The following DAB2 variants were observed in gnomAD, a reference collection of about 807,000 sequenced individuals.
DAB2 encodes DAB adaptor protein 2.
A neutral mutation model predicts 71.6 loss-of-function variants in DAB2; 28 were observed. The observed-to-expected ratio is 0.39, with a 90% CI of 0.29 to 0.54. The LOEUF (loss-of-function observed/expected upper bound fraction) is 0.54, where lower values mean the gene tolerates loss of function less well. Among genes scored for constraint, DAB2 ranks in the 20% least tolerant of loss-of-function variants. DAB2 has a pLI of 0.68. For synonymous variants in DAB2, 345 were observed against 339.7 expected (o/e 1.02, Z -0.17); for missense variants, 867 against 928.8 (o/e 0.93, Z 0.86).
rs1554054271 is a variant in DAB2 at position 39,391,975 on chromosome 5, A to AT, written c.330+389_330+390insA. Among the ~76,000 whole-genome samples, 179 of 145,680 alleles carry AT rather than the reference A, an allele frequency of 1.2e-3. 2 individuals are homozygous for AT. The highest frequency in any genetic ancestry group is 4.2e-3 in the African/African-American group (165 of 39,536). On this transcript the variant is annotated intron_variant, in intron 4 of 14. Coordinates refer to ENST00000320816, the MANE Select transcript of DAB2 (RefSeq NM_001343.4). ...CTGTATACCCGAGGTCAAAAAAAAA[A>AT]AAAAAAATATATATATATAGAAGTT...
intron 12 of DAB2, 112 bp from the exon 13 acceptor site, chr5:39,376,218 A>AAAAG (rs1579897351): frequency 2.6e-6 from 2 of 768,258 alleles, no homozygotes; most frequent in East Asian, 5.3e-5. Context: ...AATTTACATC[A>AAAAG]GTGGAACAAA....
chr5:39,391,026 A>G (rs1460467994), intron 4 of DAB2, among the ~76,000 whole-genome samples: 1 of 152,170 alleles, frequency 6.6e-6, no homozygotes, highest in Admixed American at 6.5e-5. Context: ...GAACCATCCT[A>G]TGTGTTATTG....
intron 1 of DAB2, among the ~76,000 whole-genome samples, chr5:39,421,286 G>C (rs982280208): frequency 4.6e-5 from 7 of 152,146 alleles, no homozygotes; most frequent in Non-Finnish European, 8.8e-5. Context: ...TTTTCACAAA[G>C]ACACTTAATT....
chr5:39,398,926 C>T (rs543480441), intron 1 of DAB2, among the ~76,000 whole-genome samples: 1 of 152,232 alleles, frequency 6.6e-6, no homozygotes, highest in African/African-American at 2.4e-5. Context: ...AAATGTAATG[C>T]ATTTGAATAT....
intron 8 of DAB2, 134 bp downstream of exon 8, chr5:39,388,665 T>C: frequency 1.4e-6 from 1 of 734,620 alleles, no homozygotes; most frequent in Admixed American, 2.8e-5. Flanking sequence ...GTTACACTAA[T>C]ATTTTGAAAA....
intron 6 of DAB2, among the ~76,000 whole-genome samples, chr5:39,389,523 T>C (rs1282001617): frequency 6.6e-6 from 1 of 152,174 alleles, no homozygotes; most frequent in Non-Finnish European, 1.5e-5. Flanking sequence ...TTAAGTTTGT[T>C]TGTTTGAGAC....
chr5:39,371,849 C>T lies in DAB2; in HGVS notation c.*1582G>A, dbSNP rs529260595. On this transcript the variant is annotated 3_prime_UTR_variant, in exon 15 of 15. Transcript: ENST00000320816. ...AGTTTAGCACATTTAGGTATTTGGACATTTAAAGTACTATTTCAAGTCTGT... is the reference window on the plus strand; with the variant it reads ...AGTTTAGCACATTTAGGTATTTGGATATTTAAAGTACTATTTCAAGTCTGT... The T allele has an allele frequency of 2.0e-5, 3 of 152,288 alleles. No homozygotes were observed. In the South Asian group the frequency reaches 6.2e-4, roughly 32 times the overall value. 9.4% of individuals were successfully genotyped at this position (152,288 alleles called of 1,614,324 possible). A position where few individuals can be genotyped will look rare whatever the true frequency, so the allele number is the denominator to read the frequency against.
intron 14 of DAB2, among the ~76,000 whole-genome samples, chr5:39,373,740 T>C (rs1168142728): frequency 6.6e-6 from 1 of 152,166 alleles, no homozygotes; most frequent in Admixed American, 6.6e-5. Flanking sequence ...TTCAATTTAG[T>C]CCATACAATC....
chr5:39,388,421 C>A (rs62358399), intron 8 of DAB2, 54 bp from the exon 9 acceptor site: 1 of 1,197,734 alleles, frequency 8.3e-7, no homozygotes, highest in South Asian at 1.3e-5. Context: ...AAGATTACTT[C>A]GTATATTGTA....
At chr5:39,391,973 A>ATATAT (rs1561371460) in intron 4 of DAB2, among the ~76,000 whole-genome samples, 1 of 145,358 alleles carries the variant, frequency 6.9e-6, no homozygotes, top group African/African-American at 2.5e-5. Flanking sequence ...GTCAAAAAAA[A>ATATAT]AAAAAAAAAT....
Position 39,376,737 on chromosome 5 carries a change from T to C in DAB2, c.2050A>G (p.Ser684Gly). 1.2e-6 allele frequency: 2 copies of C among 1,614,152 alleles called. No individual in the cohort carries two copies. The highest frequency in any genetic ancestry group is 1.7e-6 in the Non-Finnish European group (2 of 1,180,022). ...TSSGTLSAFA[S>G]YFNSKVGIPQ... ...ATGCCAACCTTGCTGTTGAAATAAC[T>C]GGCAAAGGCACTCAAAGTCCCAGAA... Residue 684 changes from serine (S) to glycine (G), a missense_variant, in exon 12 of 15, where the codon AGT becomes GGT. Physicochemically the swap from Ser to Gly is moderately conservative, Grantham distance 56. Transcript: ENST00000320816.
chr5:39,388,919 A>G (rs1286322110), intron 7 of DAB2, 67 bp from the exon 8 acceptor site: 2 of 1,409,246 alleles, frequency 1.4e-6, no homozygotes, highest in South Asian at 1.2e-5. Flanking sequence ...TGTCCACTCT[A>G]TTAGTCTGCT....
chr5:39,376,176 CT>C, intron 12 of DAB2, 70 bp from the exon 13 acceptor site: 3 of 1,241,502 alleles, frequency 2.4e-6, no homozygotes, highest in Non-Finnish European at 3.5e-6. Flanking sequence ...CCCGAGTCAG[CT>C]TATTTTTGAA....
At chr5:39,379,515 A>G (rs1419670018) in intron 11 of DAB2, among the ~76,000 whole-genome samples, 1 of 151,948 alleles carries the variant, frequency 6.6e-6, no homozygotes, top group Non-Finnish European at 1.5e-5. Context: ...CCCAGTATAT[A>G]CTTATACCAG....
chr5:39,373,645 A>T (rs1754752454), intron 14 of DAB2, among the ~76,000 whole-genome samples: 1 of 152,182 alleles, frequency 6.6e-6, no homozygotes, highest in Non-Finnish European at 1.5e-5. Context: ...CCCCTTACCC[A>T]ATCTATTGAT....
chr5:39,424,274 T>C (rs919886785), intron 1 of DAB2, among the ~76,000 whole-genome samples: 1 of 152,144 alleles, frequency 6.6e-6, no homozygotes, highest in Admixed American at 6.5e-5. Flanking sequence ...GGGTAGATAC[T>C]TCCTTAGGAA....
chr5:39,420,971 C>G (rs958806871), intron 1 of DAB2, among the ~76,000 whole-genome samples: 1 of 152,138 alleles, frequency 6.6e-6, no homozygotes, highest in Admixed American at 6.5e-5. Flanking sequence ...TCAGTTTAAT[C>G]CGGGTGGTCC....
Position 39,375,094 on chromosome 5 carries a change from T to C in DAB2, c.2248-10A>G. 6.3e-7 allele frequency: 1 copy of C among 1,583,690 alleles called. No homozygotes were observed. The highest frequency in any genetic ancestry group is 8.6e-7 in the Non-Finnish European group (1 of 1,156,214). On this transcript the variant is annotated splice_polypyrimidine_tract_variant and intron_variant, in intron 13 of 14. Transcript: ENST00000320816. ...GTTGAGAAGAAGCCACCTAAGAAGATAAAATCATCTAGTCAATAAATACAG... is the reference window on the plus strand; with the variant it reads ...GTTGAGAAGAAGCCACCTAAGAAGACAAAATCATCTAGTCAATAAATACAG...
At chr5:39,398,193 T>C (rs909741613) in intron 1 of DAB2, among the ~76,000 whole-genome samples, 1 of 152,158 alleles carries the variant, frequency 6.6e-6, no homozygotes, top group Non-Finnish European at 1.5e-5. Context: ...ATTTGAGAAG[T>C]GCCACAAAGC....
Sources: allele counts gnomAD v4.1 joint callset (sites outside exome capture counted in the v4.1 genomes callset), GRCh38; gene constraint gnomAD v4.1.1; transcripts MANE v1.5; gene names NCBI Gene and HGNC (gene_info 2026-07-23, HGNC 2026-07-21).